Variants in LRRIQ3 observed in about 807,000 individuals in gnomAD.
The protein encoded by LRRIQ3 is leucine rich repeats and IQ motif containing 3, also known as leucine-rich repeat and IQ domain-containing protein 3.
A neutral mutation model predicts 59.3 loss-of-function variants in LRRIQ3; 75 were observed. The observed-to-expected ratio is 1.26, with a 90% CI of 1.05 to 1.53. The LOEUF is 1.53. Ranked by LOEUF, LRRIQ3 falls within the 40% of genes most tolerant of loss-of-function variation. The pLI, the probability that LRRIQ3 is intolerant of heterozygous loss-of-function variation, is 0.00. For synonymous variants in LRRIQ3, 250 were observed against 231.3 expected, an observed-to-expected ratio of 1.08 and a Z score of -0.73; for missense variants, 831 against 710.0, an observed-to-expected ratio of 1.17 and a Z score of -1.94.
At chr1:74,130,874 C>A in intron 4 of LRRIQ3, among the ~76,000 whole-genome samples, 1 of 152,006 alleles carries the variant, frequency 6.6e-6, no homozygotes, top group East Asian at 1.9e-4. Context: ...CAAGAAATAA[C>A]TAAGATCAGA....
intron 4 of LRRIQ3, among the ~76,000 whole-genome samples, chr1:74,142,771 C>T (rs1647317631): frequency 6.6e-6 from 1 of 151,954 alleles, no homozygotes; most frequent in African/African-American, 2.4e-5. Context: ...GCGTCAAGGC[C>T]ATGCCACTTA....
intron 3 of LRRIQ3, among the ~76,000 whole-genome samples, chr1:74,179,307 A>T (rs952769434): frequency 6.6e-6 from 1 of 152,010 alleles, no homozygotes; most frequent in Non-Finnish European, 1.5e-5. Context: ...AAAGGTTAGA[A>T]ATCATTTTAT....
chr1:74,118,842 A>G (rs985798768), intron 4 of LRRIQ3, among the ~76,000 whole-genome samples: 5 of 152,130 alleles, frequency 3.3e-5, no homozygotes, highest in African/African-American at 1.2e-4. Context: ...CTCAAAATTC[A>G]GGCAGGGTTT....
At chr1:74,047,515 A>T (rs1654240901) in intron 6 of LRRIQ3, among the ~76,000 whole-genome samples, 1 of 151,998 alleles carries the variant, frequency 6.6e-6, no homozygotes, top group South Asian at 2.1e-4. Flanking sequence ...TGGGTGCAGC[A>T]TACCACCATG....
chr1:74,034,834 G>C (rs2100368725), intron 7 of LRRIQ3, among the ~76,000 whole-genome samples: 1 of 151,874 alleles, frequency 6.6e-6, no homozygotes, highest in East Asian at 1.9e-4. Context: ...TCTAGCACAG[G>C]CTTTTAAAAA....
intron 4 of LRRIQ3, among the ~76,000 whole-genome samples, chr1:74,115,174 CTCAA>C (rs577344526): frequency 5.3e-5 from 8 of 152,134 alleles, no homozygotes; most frequent in Admixed American, 4.6e-4. Flanking sequence ...TCATGAATTG[CTCAA>C]TCATTCATTC....
Position 74,026,848 on chromosome 1 carries a change from A to G in LRRIQ3, c.1840T>C (p.Leu614=). 6.2e-7 allele frequency: 1 copy of G among 1,608,544 alleles called. No individual in the cohort carries two copies. The highest frequency in any genetic ancestry group is 8.5e-7 in the Non-Finnish European group (1 of 1,177,670). Residue 614 remains leucine, a synonymous_variant, in exon 8 of 8, where the codon TTA becomes CTA. Transcript: ENST00000354431. ...KTKVAIVKTN[L]DFKVPNGLIK is the part of the protein sequence containing the mutation. ...AGTCCATTGGGAACTTTAAAGTCTA[A>G]ATTTGTTTTCACAATTGCTACTTTT...
Position 74,026,985 on chromosome 1 carries a change from A to G in LRRIQ3, c.1719-16T>C, listed in dbSNP as rs1653534346. 1 of 1,465,214 alleles carries G rather than the reference A, an allele frequency of 6.8e-7. No homozygotes were observed. 90.8% of individuals were successfully genotyped at this position (1,465,214 alleles called of 1,614,324 possible). A position where few individuals can be genotyped will look rare whatever the true frequency, so the allele number is the denominator to read the frequency against. On this transcript the variant is annotated splice_polypyrimidine_tract_variant and intron_variant, in intron 7 of 7. Transcript: ENST00000354431. ...TTCTTGAGATCTAAGAGGAGAAAGA[A>G]AGGTAATAGAATGAGATACTTTTAA... is the stretch of plus-strand genomic sequence containing the variant.
Position 74,054,752 on chromosome 1 carries a change from A to C in LRRIQ3, c.998-12819T>G, listed in dbSNP as rs1434741917. On this transcript the variant is annotated intron_variant, in intron 6 of 7. Coordinates refer to ENST00000354431, the MANE Select transcript of LRRIQ3 (RefSeq NM_001105659.2). Reference sequence around the variant, plus strand: ...GAAGAAAACACAAATATATATATATATATATCTATATATCTACATACACAT... The same window carrying C: ...GAAGAAAACACAAATATATATATATCTATATCTATATATCTACATACACAT... Among the ~76,000 whole-genome samples, 5 of 145,800 alleles carry C rather than the reference A, an allele frequency of 3.4e-5. 1 individual carries two copies. The highest frequency in any genetic ancestry group is 1.0e-4 in the African/African-American group (4 of 40,038).
intron 1 of LRRIQ3, among the ~76,000 whole-genome samples, chr1:74,195,040 A>G (rs1033291885): frequency 7.9e-5 from 12 of 152,156 alleles, no homozygotes; most frequent in Admixed American, 2.6e-4. Flanking sequence ...AGGAAGTATA[A>G]TAAAAGTTCA....
At chr1:74,173,227 G>A (rs1649435433) in intron 3 of LRRIQ3, among the ~76,000 whole-genome samples, 1 of 150,570 alleles carries the variant, frequency 6.6e-6, no homozygotes, top group Non-Finnish European at 1.5e-5. Flanking sequence ...AACCCAGGAG[G>A]TGGAGCTTGC....
chr1:74,081,127 A>G (rs2100495260), intron 5 of LRRIQ3, among the ~76,000 whole-genome samples: 1 of 151,744 alleles, frequency 6.6e-6, no homozygotes, highest in African/African-American at 2.4e-5. Flanking sequence ...CTTTATCTTA[A>G]GAGAGTGAAC....
At chr1:74,136,763 T>C (rs868739387) in intron 4 of LRRIQ3, among the ~76,000 whole-genome samples, 18 of 152,070 alleles carry the variant, frequency 1.2e-4, no homozygotes, top group African/African-American at 4.3e-4. Flanking sequence ...AAAATTTCCT[T>C]AGCATTCTTC....
At chr1:74,088,995 T>A (rs990893929) in intron 5 of LRRIQ3, among the ~76,000 whole-genome samples, 1 of 151,952 alleles carries the variant, frequency 6.6e-6, no homozygotes, top group Non-Finnish European at 1.5e-5. Flanking sequence ...TATAAAATGA[T>A]CAAAGGATTT....
intron 1 of LRRIQ3, among the ~76,000 whole-genome samples, chr1:74,194,910 T>C (rs774087090): frequency 5.1e-4 from 77 of 152,296 alleles, no homozygotes; most frequent in Non-Finnish European, 4.3e-4. Flanking sequence ...TTCAACCACT[T>C]GCCCTCTCCC....
intron 4 of LRRIQ3, among the ~76,000 whole-genome samples, chr1:74,138,150 A>C (rs187333356): frequency 2.6e-3 from 192 of 72,886 alleles, no homozygotes; most frequent in African/African-American, 5.3e-3. Context: ...CTTCCTTTAA[A>C]AAAACAAACA....
At chr1:74,037,635 CA>C (rs887032512) in intron 7 of LRRIQ3, among the ~76,000 whole-genome samples, 2 of 151,810 alleles carry the variant, frequency 1.3e-5, no homozygotes, top group African/African-American at 4.8e-5. Context: ...TGTCTCAAAA[CA>C]AAACAAAACA....
At chr1:74,184,157 AG>A (rs1480663803) in intron 1 of LRRIQ3, among the ~76,000 whole-genome samples, 1 of 152,086 alleles carries the variant, frequency 6.6e-6, no homozygotes, top group Non-Finnish European at 1.5e-5. Flanking sequence ...GATAAAATAA[AG>A]GTGCTATACA....
intron 6 of LRRIQ3, among the ~76,000 whole-genome samples, chr1:74,054,986 T>C (rs978982705): frequency 2.0e-5 from 3 of 147,376 alleles, no homozygotes; most frequent in Non-Finnish European, 4.5e-5. Context: ...TATAATTATA[T>C]AAAATTTAAA....
Sources: allele counts gnomAD v4.1 joint callset (sites outside exome capture counted in the v4.1 genomes callset), GRCh38; gene constraint gnomAD v4.1.1; transcripts MANE v1.5; gene names NCBI Gene and HGNC (gene_info 2026-07-23, HGNC 2026-07-21).